DSCAML1: variants seen among roughly 807,000 people sequenced by gnomAD.
DSCAML1 encodes DS cell adhesion molecule like 1.
Under a neutral mutation model 200.5 loss-of-function variants are expected in DSCAML1, and 38 were observed. That is an observed-to-expected ratio of 0.19 (90% CI 0.15 to 0.25). DSCAML1 has a LOEUF of 0.25. Ranked by LOEUF, DSCAML1 falls within the 10% of genes least tolerant of loss-of-function variation. DSCAML1 has a pLI of 1.00. For synonymous variants in DSCAML1, 1,215 were observed against 1,165.0 expected, an observed-to-expected ratio of 1.04 and a Z score of -0.87; for missense variants, 2,223 against 2,858.8, an observed-to-expected ratio of 0.78 and a Z score of 5.07.
At chr11:117,500,046 C>A (rs1055462631) in intron 11 of DSCAML1, among the ~76,000 whole-genome samples, 1 of 152,236 alleles carries the variant, frequency 6.6e-6, no homozygotes, top group South Asian at 2.1e-4. Flanking sequence ...CTGCCAGACA[C>A]CCTGAGTTTC....
In DSCAML1 at chr11:117,524,905, C is replaced by T. The variant is rs762125307; in HGVS notation, c.837G>A (p.Leu279=). 3.1e-6 allele frequency: 5 copies of T among 1,613,358 alleles called. No individual in the cohort carries two copies. The highest frequency in any genetic ancestry group is 4.2e-6 in the Non-Finnish European group (5 of 1,179,846). ...DSRWTKRITG[L]TISDLRTEDS... is the part of the protein sequence containing the mutation. ...CCTCGGTCCGCAAGTCGCTGATGGT[C>T]AGCCCTGTGATGCGCTTGGTCCAGC... The change falls in exon 5 of 33, where the codon CTG becomes CTA. Residue 279 remains leucine, a synonymous_variant. Coordinates refer to ENST00000651296, the MANE Select transcript of DSCAML1 (RefSeq NM_020693.4).
chr11:117,479,712 G>C (rs61380407), intron 14 of DSCAML1, among the ~76,000 whole-genome samples: 177 of 152,152 alleles, frequency 1.2e-3, no homozygotes, highest in African/African-American at 4.1e-3. Flanking sequence ...GCAATGGCAC[G>C]ATCTTGGTTC....
At chr11:117,628,092 G>A (rs940774076) in intron 3 of DSCAML1, among the ~76,000 whole-genome samples, 1 of 152,188 alleles carries the variant, frequency 6.6e-6, no homozygotes, top group Non-Finnish European at 1.5e-5. Flanking sequence ...ATTTCTGTAA[G>A]GGACACATCA....
At chr11:117,654,506 A>G (rs1373380753) in intron 3 of DSCAML1, among the ~76,000 whole-genome samples, 1 of 152,212 alleles carries the variant, frequency 6.6e-6, no homozygotes, top group Non-Finnish European at 1.5e-5. Context: ...CTGTTGGCCC[A>G]TCCATGAGAT....
chr11:117,780,540 T>C lies in DSCAML1; in HGVS notation c.317A>G (p.Glu106Gly). 1.4e-6 allele frequency: 2 copies of C among 1,478,476 alleles called. No individual in the cohort carries two copies. The highest frequency in any genetic ancestry group is 1.8e-6 in the Non-Finnish European group (2 of 1,108,640). 91.6% of individuals were successfully genotyped at this position (1,478,476 alleles called of 1,614,324 possible). The change falls in exon 2 of 33, where the codon GAG becomes GGG. Residue 106 changes from glutamate to glycine, a missense_variant. Physicochemically the swap from Glu to Gly is moderately conservative, Grantham distance 98 (BLOSUM62 -2). Coordinates refer to ENST00000651296, the MANE Select transcript of DSCAML1 (RefSeq NM_020693.4). This position sits in a 1 kb window ranked among gnomAD's most constrained non-coding sequence, Gnocchi z 4.8. ...GCTCCGGATCTTGCCGGCAGCGTTC[T>C]CCGCGGTGCAGAAGTAGTCATTGTC... ...IHDNDYFCTA[E>G]NAAGKIRSPN... is the part of the protein sequence containing the mutation.
intron 3 of DSCAML1, among the ~76,000 whole-genome samples, chr11:117,609,706 T>G (rs373654901): frequency 7.7e-4 from 117 of 152,366 alleles, no homozygotes; most frequent in African/African-American, 2.6e-3. Flanking sequence ...TGTTAGTATT[T>G]TCTTAATGAT....
At chr11:117,654,375 G>A (rs188268127) in intron 3 of DSCAML1, among the ~76,000 whole-genome samples, 102 of 152,258 alleles carry the variant, frequency 6.7e-4, no homozygotes, top group African/African-American at 2.3e-3. Flanking sequence ...TTAAACTGTC[G>A]GAAAAAGTGA....
At chr11:117,629,622 G>A (rs1433807419) in intron 3 of DSCAML1, among the ~76,000 whole-genome samples, 1 of 152,184 alleles carries the variant, frequency 6.6e-6, no homozygotes, top group East Asian at 1.9e-4. Context: ...CAGAGACAGG[G>A]AGACTCAGAG....
At chr11:117,650,594 A>G (rs957734717) in intron 3 of DSCAML1, among the ~76,000 whole-genome samples, 3 of 152,068 alleles carry the variant, frequency 2.0e-5, no homozygotes, top group Admixed American at 2.0e-4. Context: ...GGAAGGTCAC[A>G]GTACCGAGCT....
At chr11:117,487,186 A>C (rs529138906) in intron 11 of DSCAML1, among the ~76,000 whole-genome samples, 1 of 152,092 alleles carries the variant, frequency 6.6e-6, no homozygotes, top group African/African-American at 2.4e-5. Context: ...CAGCCTCCCA[A>C]AGTGCTGGGA....
At chr11:117,784,975 T>G (rs2055324446) in intron 1 of DSCAML1, among the ~76,000 whole-genome samples, 1 of 152,152 alleles carries the variant, frequency 6.6e-6, no homozygotes, top group African/African-American at 2.4e-5. Flanking sequence ...ACCCTGCAGC[T>G]CTGCAGAATT....
At chr11:117,778,402 A>G (rs768840444) in intron 2 of DSCAML1, among the ~76,000 whole-genome samples, 3 of 152,210 alleles carry the variant, frequency 2.0e-5, no homozygotes. Flanking sequence ...CCAGGGAGTC[A>G]GCAGAGGTTA....
chr11:117,554,899 C>G (rs2050533396), intron 3 of DSCAML1, among the ~76,000 whole-genome samples: 1 of 152,180 alleles, frequency 6.6e-6, no homozygotes, highest in Non-Finnish European at 1.5e-5. Flanking sequence ...TCGTTACATA[C>G]AGCCAAATGC....
At chr11:117,659,658 C>G (rs1261358399) in intron 3 of DSCAML1, among the ~76,000 whole-genome samples, 2 of 152,086 alleles carry the variant, frequency 1.3e-5, no homozygotes, top group Non-Finnish European at 2.9e-5. Flanking sequence ...ACTGACTGCT[C>G]TGGGCCAGTA....
chr11:117,773,263 C>A (rs75598992), intron 3 of DSCAML1, among the ~76,000 whole-genome samples: 292 of 152,282 alleles, frequency 1.9e-3, no homozygotes, highest in African/African-American at 4.7e-3. Context: ...CAAGGGGATG[C>A]CTCCTGGGGC....
chr11:117,582,637 G>C (rs1335547286), intron 3 of DSCAML1, among the ~76,000 whole-genome samples: 4 of 152,234 alleles, frequency 2.6e-5, no homozygotes, highest in African/African-American at 9.6e-5. Context: ...GGCCTGCCAA[G>C]TGCAAACCAG....
At chr11:117,443,392 T>G (rs1191175566) in intron 21 of DSCAML1, among the ~76,000 whole-genome samples, 2 of 152,216 alleles carry the variant, frequency 1.3e-5, no homozygotes, top group Non-Finnish European at 1.5e-5. Flanking sequence ...CCCAGAGCCT[T>G]CCTTCACAGC....
chr11:117,696,198 C>G (rs1379206434), intron 3 of DSCAML1, among the ~76,000 whole-genome samples: 3 of 152,206 alleles, frequency 2.0e-5, no homozygotes, highest in Non-Finnish European at 4.4e-5. Flanking sequence ...GCACGGGGTA[C>G]AGCTGCCTCG....
intron 3 of DSCAML1, among the ~76,000 whole-genome samples, chr11:117,574,096 C>T (rs1725288540): frequency 6.6e-6 from 1 of 152,220 alleles, no homozygotes; most frequent in South Asian, 2.1e-4. Context: ...TGTCCACCCA[C>T]CCTTCCACCT....
Sources: allele counts gnomAD v4.1 joint callset (sites outside exome capture counted in the v4.1 genomes callset), GRCh38; gene constraint gnomAD v4.1.1; non-coding constraint Gnocchi (gnomAD v3.1); transcripts MANE v1.5; gene names NCBI Gene and HGNC (gene_info 2026-07-23, HGNC 2026-07-21).